Variants in IGSF21 observed in about 807,000 individuals in gnomAD.
IGSF21 encodes the protein immunoglobulin superfamily member 21.
Under a neutral mutation model 46.8 loss-of-function variants are expected in IGSF21, and 28 were observed. That is an observed-to-expected ratio of 0.60 (90% CI 0.44 to 0.82). The LOEUF is 0.82. Ranked by LOEUF, IGSF21 falls within the 40% of genes least tolerant of loss-of-function variation. IGSF21 has a pLI of 0.00. For synonymous variants in IGSF21, 284 were observed against 273.6 expected, an observed-to-expected ratio of 1.04 and a Z score of -0.38; for missense variants, 624 against 665.5, an observed-to-expected ratio of 0.94 and a Z score of 0.69.
intron 4 of IGSF21, among the ~76,000 whole-genome samples, chr1:18,340,773 G>C (rs114492918): frequency 6.6e-6 from 1 of 152,010 alleles, no homozygotes; most frequent in African/African-American, 2.4e-5. Context: ...AATCCTTGGA[G>C]TTCCCTGGCT....
At chr1:18,359,387 G>A (rs12025548) in intron 4 of IGSF21, among the ~76,000 whole-genome samples, 6,414 of 30,990 alleles carry the variant, frequency 0.21, 292 homozygotes, top group East Asian at 0.25. Context: ...AGAAAGAAAG[G>A]AAGGAAGGAA....
intron 1 of IGSF21, among the ~76,000 whole-genome samples, chr1:18,217,324 T>G (rs1225479486): frequency 6.6e-6 from 1 of 152,210 alleles, no homozygotes; most frequent in East Asian, 1.9e-4. Context: ...ATGACCCATG[T>G]TGCTTTTCAG....
At chr1:18,255,989 G>A (rs1422365596) in intron 2 of IGSF21, among the ~76,000 whole-genome samples, 2 of 152,170 alleles carry the variant, frequency 1.3e-5, no homozygotes, top group African/African-American at 4.8e-5. Flanking sequence ...CTTGCCATTG[G>A]CCTCAGGATG....
chr1:18,145,593 A>G (rs1359371565), intron 1 of IGSF21, among the ~76,000 whole-genome samples: 4 of 152,158 alleles, frequency 2.6e-5, no homozygotes, highest in African/African-American at 4.8e-5. Context: ...CACGAAGCAC[A>G]CACATCCTCT....
At chr1:18,351,675 A>AAG (rs2085957165) in intron 4 of IGSF21, among the ~76,000 whole-genome samples, 1 of 152,130 alleles carries the variant, frequency 6.6e-6, no homozygotes, top group South Asian at 2.1e-4. Context: ...GGCTTCTCTC[A>AAG]CAAAGCTGCA....
intron 1 of IGSF21, among the ~76,000 whole-genome samples, chr1:18,145,787 G>A (rs1184781085): frequency 6.6e-6 from 1 of 152,218 alleles, no homozygotes; most frequent in Non-Finnish European, 1.5e-5. Context: ...GTGGAGGTTA[G>A]GGAAGTCCAA....
chr1:18,237,824 C>T (rs908680121), intron 2 of IGSF21, among the ~76,000 whole-genome samples: 16 of 152,134 alleles, frequency 1.1e-4, no homozygotes, highest in African/African-American at 3.9e-4. Context: ...CAGCCTTGCA[C>T]TCCTCCTTGA....
intron 8 of IGSF21, 109 bp downstream of exon 8, chr1:18,377,101 AT>A: frequency 8.3e-7 from 1 of 1,209,354 alleles, no homozygotes; most frequent in Non-Finnish European, 1.1e-6. Flanking sequence ...TTGGGCCTAA[AT>A]CTCCCAAATT....
intron 1 of IGSF21, among the ~76,000 whole-genome samples, chr1:18,201,200 G>A (rs2087070735): frequency 6.6e-6 from 1 of 152,136 alleles, no homozygotes; most frequent in Non-Finnish European, 1.5e-5. Flanking sequence ...GCAGCCCTGG[G>A]AGACTGAGTC....
intron 2 of IGSF21, among the ~76,000 whole-genome samples, chr1:18,284,808 G>C (rs1359599739): frequency 6.6e-6 from 1 of 152,202 alleles, no homozygotes; most frequent in African/African-American, 2.4e-5. Flanking sequence ...TGCCTGGGCT[G>C]GGATTGGAAG....
intron 3 of IGSF21, among the ~76,000 whole-genome samples, chr1:18,327,073 C>T (rs2085664963): frequency 6.6e-6 from 1 of 152,162 alleles, no homozygotes; most frequent in African/African-American, 2.4e-5. Flanking sequence ...ATGTCATGCA[C>T]CCTTTTCTCA....
At chr1:18,242,817 C>A (rs539720955) in intron 2 of IGSF21, among the ~76,000 whole-genome samples, 1 of 152,336 alleles carries the variant, frequency 6.6e-6, no homozygotes, top group African/African-American at 2.4e-5. Context: ...AGAACTAACA[C>A]CTGCAGAAAA....
chr1:18,265,859 C>G (rs2084984992), intron 2 of IGSF21, among the ~76,000 whole-genome samples: 1 of 152,232 alleles, frequency 6.6e-6, no homozygotes, highest in African/African-American at 2.4e-5. Flanking sequence ...AAGGTGCAGC[C>G]AATGGGCTCT....
At chr1:18,239,752 G>GC (rs746578184) in intron 2 of IGSF21, among the ~76,000 whole-genome samples, 94 of 151,406 alleles carry the variant, frequency 6.2e-4, no homozygotes, top group African/African-American at 2.1e-3. Flanking sequence ...CTTCAGTGTT[G>GC]CCCCCCCTCC....
intron 2 of IGSF21, among the ~76,000 whole-genome samples, chr1:18,272,672 A>T (rs146938926): frequency 3.3e-5 from 5 of 152,380 alleles, no homozygotes; most frequent in Non-Finnish European, 2.9e-5. Context: ...ATCTCTTAAT[A>T]GGTTGAGTGT....
At chr1:18,279,022 CA>C in intron 2 of IGSF21, 1 of 415,072 alleles carries the variant, frequency 2.4e-6, no homozygotes, top group East Asian at 7.4e-5. Context: ...CCTCATCTGT[CA>C]AATGCAGACA....
intron 1 of IGSF21, among the ~76,000 whole-genome samples, chr1:18,218,563 A>G (rs2084476555): frequency 6.6e-6 from 1 of 152,262 alleles, no homozygotes; most frequent in African/African-American, 2.4e-5. Context: ...TGAAAAGTAA[A>G]TACTAGCAGA....
intron 2 of IGSF21, among the ~76,000 whole-genome samples, chr1:18,269,033 C>G (rs572042140): frequency 6.6e-6 from 1 of 152,348 alleles, no homozygotes; most frequent in African/African-American, 2.4e-5. Flanking sequence ...GTCCTCAGCT[C>G]CTCGTCCAAA....
At chr1:18,149,140 G>A (rs926617025) in intron 1 of IGSF21, among the ~76,000 whole-genome samples, 1 of 152,188 alleles carries the variant, frequency 6.6e-6, no homozygotes, top group African/African-American at 2.4e-5. Context: ...GGACAGGCGT[G>A]TCACTGACAT....
Sources: gnomAD v4.1 joint callset for allele counts (sites outside exome capture counted in the v4.1 genomes callset) on GRCh38, gnomAD v4.1.1 for gene constraint, MANE v1.5 for transcripts, NCBI Gene and HGNC (gene_info 2026-07-23, HGNC 2026-07-21) for gene names.